OR13J1: variants seen among roughly 807,000 people sequenced by gnomAD.
The protein encoded by OR13J1 is olfactory receptor family 13 subfamily J member 1, also known as olfactory receptor 13J1.
OR13J1 carries 6 observed loss-of-function variants against 6.4 expected under a neutral mutation model. That is an observed-to-expected ratio of 0.93 (90% CI 0.51 to 1.84). The LOEUF (loss-of-function observed/expected upper bound fraction) is 1.84, where lower values mean the gene tolerates loss of function less well. Ranked by LOEUF, OR13J1 falls within the 40% of genes most tolerant of loss-of-function variation. The probability of loss-of-function intolerance (pLI) is 0.01; values close to 1 mark genes in which losing one functional copy is unlikely to be tolerated. For synonymous variants in OR13J1, 175 were observed against 182.4 expected (o/e 0.96, Z 0.33); for missense variants, 382 against 395.6 (o/e 0.97, Z 0.29).
At position 35,869,966 on chromosome 9, in the gene OR13J1, C is replaced by T. The variant is rs1832778296; in HGVS notation, c.436G>A (p.Gly146Arg). The change falls in exon 1 of 1, where the codon GGA becomes AGA. Residue 146 changes from glycine (G) to arginine (R), a missense_variant. By Grantham distance (125) the Gly-to-Arg change is moderately radical (BLOSUM62 -2). Coordinates refer to ENST00000377981, the MANE Select transcript of OR13J1 (RefSeq NM_001004487.1). ...AGGAGGCAGAGGACCCAGGCAGCTC[C>T]CATCAGCAGCACGCAGAGCCGGTGG... is the stretch of plus-strand genomic sequence containing the variant. ...MSHRLCVLLMGAAWVLCLLKS... is the reference protein window; with the variant it reads ...MSHRLCVLLMRAAWVLCLLKS... 2 of 1,614,236 alleles carry T rather than the reference C, an allele frequency of 1.2e-6. No homozygotes were observed. The highest frequency in any genetic ancestry group is 1.3e-5 in the African/African-American group (1 of 75,068).
chr9:35,870,252 C>G lies in OR13J1; in HGVS notation c.150G>C (p.Val50=), dbSNP rs752147186. Residue 50 remains valine (V), a synonymous_variant, in exon 1 of 1, where the codon GTG becomes GTC. Transcript: ENST00000377981. The part of the protein sequence containing the change: ...LGNTAIMAVS[V]LDIHLHTPVY... ...CGGGCGTGTGCAGGTGGATATCTAG[C>G]ACGCTCACCGCCATGATGGCTGTGT... The G allele has an allele frequency of 6.8e-6, 11 of 1,614,206 alleles. No homozygotes were observed. The South Asian group carries it at 7.7e-5, about 11-fold the overall frequency.
chr9:35,870,182 T>G lies in OR13J1; in HGVS notation c.220A>C (p.Thr74Pro). The change falls in exon 1 of 1, where the codon ACG (threonine) becomes CCG (proline). Residue 74 changes from threonine (T) to proline (P), a missense_variant. Physicochemically the swap from Thr to Pro is conservative, Grantham distance 38. Transcript: ENST00000377981. ...AGCATCAGAGGCACAAAGGTGGGCG[T>G]GTAGCAGATGTCCAGGGTAGAGAGG... ...GNLSTLDICYTPTFVPLMLVH... is the reference protein window; with the variant it reads ...GNLSTLDICYPPTFVPLMLVH... 6.2e-7 allele frequency: 1 copy of G among 1,614,076 alleles called. No homozygotes were observed. The highest frequency in any genetic ancestry group is 8.5e-7 in the Non-Finnish European group (1 of 1,180,002).
rs764962647 is a variant in OR13J1 at position 35,869,576 on chromosome 9, C to T, written c.826G>A (p.Val276Ile). 7.4e-6 allele frequency: 12 copies of T among 1,613,970 alleles called. No individual in the cohort carries two copies. In the South Asian group the frequency reaches 1.3e-4, roughly 18 times the overall value. The change falls in exon 1 of 1, where the codon GTC (valine) becomes ATC (isoleucine). Residue 276 changes from valine to isoleucine, a missense_variant. By Grantham distance (29) the Val-to-Ile change is conservative (BLOSUM62 3). Coordinates refer to ENST00000377981, the MANE Select transcript of OR13J1 (RefSeq NM_001004487.1). ...ATGGTCGTGACCATGGCATAGAGGA[C>T]TGTGAAGACCTCATCAGAGATGTGG... ...EAHISDEVFT[V>I]LYAMVTTMLN... is the part of the protein sequence containing the mutation.
Position 35,870,398 on chromosome 9 carries a change from C to G in OR13J1, c.4G>C (p.Glu2Gln). 6.3e-7 allele frequency: 1 copy of G among 1,586,532 alleles called. No individual in the cohort carries two copies. ...GACACCTCTGTTCTGTTGAGCGGCT[C>G]CATGCTGCAGAGTTCTGAAGAGATG... M[E>Q]PLNRTEVSEF... Residue 2 changes from glutamate (E) to glutamine (Q), a missense_variant, in exon 1 of 1, where the codon GAG becomes CAG. Transcript: ENST00000377981.
chr9:35,870,254 C>T lies in OR13J1; in HGVS notation c.148G>A (p.Val50Met), dbSNP rs755771108. The T allele has an allele frequency of 6.2e-6, 10 of 1,614,166 alleles. No homozygotes were observed. Among genetic ancestry groups the T allele is most frequent in the South Asian group, 2.2e-5 (2 of 91,082 alleles). ...LGNTAIMAVS[V>M]LDIHLHTPVY... is the part of the protein sequence containing the mutation. ...GGCGTGTGCAGGTGGATATCTAGCA[C>T]GCTCACCGCCATGATGGCTGTGTTC... Residue 50 changes from valine to methionine, a missense_variant, in exon 1 of 1, where the codon GTG becomes ATG. Coordinates refer to ENST00000377981, the MANE Select transcript of OR13J1 (RefSeq NM_001004487.1).
In OR13J1 at chr9:35,869,493, C is replaced by G; in HGVS notation, c.909G>C (p.Lys303Asn). 1 of 1,613,778 alleles carries G rather than the reference C, an allele frequency of 6.2e-7. No individual in the cohort carries two copies. The highest frequency in any genetic ancestry group is 8.5e-7 in the Non-Finnish European group (1 of 1,179,976). ...RNKEVKEAAR[K>N]VWGRSRASR ...TGGAGGCCCGACTCCTGCCCCACAC[C>G]TTCCTGGCGGCCTCCTTCACCTCCT... Residue 303 changes from lysine (K) to asparagine (N), a missense_variant, in exon 1 of 1, where the codon AAG (lysine) becomes AAC (asparagine). By Grantham distance (94) the Lys-to-Asn change is moderately conservative (BLOSUM62 0). Coordinates refer to ENST00000377981, the MANE Select transcript of OR13J1 (RefSeq NM_001004487.1).
In OR13J1 at chr9:35,870,207, G is replaced by C; in HGVS notation, c.195C>G (p.Asn65Lys). 1 of 1,614,152 alleles carries C rather than the reference G, an allele frequency of 6.2e-7. No individual in the cohort carries two copies. The highest frequency in any genetic ancestry group is 8.5e-7 in the Non-Finnish European group (1 of 1,179,982). ...LHTPVYFFLG[N>K]LSTLDICYTP... ...TGTAGCAGATGTCCAGGGTAGAGAG[G>C]TTGCCCAGGAAGAAGTACACGGGCG... Residue 65 changes from asparagine to lysine, a missense_variant, in exon 1 of 1, where the codon AAC becomes AAG. By Grantham distance (94) the Asn-to-Lys change is moderately conservative. Transcript: ENST00000377981.
chr9:35,869,611 C>A lies in OR13J1; in HGVS notation c.791G>T (p.Ser264Ile), dbSNP rs779776730. 7 of 1,613,974 alleles carry A rather than the reference C, an allele frequency of 4.3e-6. No homozygotes were observed. Among genetic ancestry groups the A allele is most frequent in the Middle Eastern group, 1.6e-4 (1 of 6,082 alleles). The part of the protein sequence containing the change: ...TIIFMYLKPK[S>I]KEAHISDEVF... ...CTCATCAGAGATGTGGGCTTCCTTA[C>A]TCTTGGGCTTCAAGTACATGAAGAT... Residue 264 changes from serine to isoleucine, a missense_variant, in exon 1 of 1, where the codon AGT (serine) becomes ATT (isoleucine). Physicochemically the swap from Ser to Ile is moderately radical, Grantham distance 142. Transcript: ENST00000377981.
At position 35,870,171 on chromosome 9, in the gene OR13J1, A is replaced by G; in HGVS notation, c.231T>C (p.Phe77=). The G allele has an allele frequency of 6.2e-7, 1 of 1,614,222 alleles. No homozygotes were observed. Among genetic ancestry groups the G allele is most frequent in the Non-Finnish European group, 8.5e-7 (1 of 1,180,036 alleles). Residue 77 remains phenylalanine (F), a synonymous_variant, in exon 1 of 1, where the codon TTT becomes TTC. Transcript: ENST00000377981. ...GGAGGTGGACCAGCATCAGAGGCAC[A>G]AAGGTGGGCGTGTAGCAGATGTCCA... The part of the protein sequence containing the change: ...STLDICYTPT[F]VPLMLVHLLS...
In OR13J1 at chr9:35,869,746, A is replaced by G; in HGVS notation, c.656T>C (p.Leu219Ser). The G allele has an allele frequency of 6.2e-7, 1 of 1,613,626 alleles. No homozygotes were observed. The highest frequency in any genetic ancestry group is 8.5e-7 in the Non-Finnish European group (1 of 1,180,014). ...CCTCAGGATGGTGGCCAGGATGAGC[A>G]AGTAGGACAGGCAGATGAATGCCAG... is the stretch of plus-strand genomic sequence containing the variant. ...VPLAFICLSY[L>S]LILATILRVP... Residue 219 changes from leucine to serine, a missense_variant, in exon 1 of 1, where the codon TTG becomes TCG. Leu to Ser is a moderately radical substitution (Grantham distance 145, BLOSUM62 -2). Coordinates refer to ENST00000377981, the MANE Select transcript of OR13J1 (RefSeq NM_001004487.1).
rs775159054 is a variant in OR13J1, at chr9:35,869,978, C to T, written c.424G>A (p.Val142Met). Residue 142 changes from valine to methionine, a missense_variant, in exon 1 of 1, where the codon GTG (valine) becomes ATG (methionine). Transcript: ENST00000377981. ...YHVLMSHRLC[V>M]LLMGAAWVLC... ...ACCCAGGCAGCTCCCATCAGCAGCA[C>T]GCAGAGCCGGTGGCTCATGAGCACG... is the stretch of plus-strand genomic sequence containing the variant. 22 of 1,614,108 alleles carry T rather than the reference C, an allele frequency of 1.4e-5. No homozygotes were observed. The highest frequency in any genetic ancestry group is 1.3e-4 in the East Asian group (6 of 44,898).
In OR13J1 at chr9:35,870,187, C is replaced by T. The variant is rs141084558; in HGVS notation, c.215G>A (p.Cys72Tyr). 4.3e-6 allele frequency: 7 copies of T among 1,614,060 alleles called. No homozygotes were observed. Among genetic ancestry groups the T allele is most frequent in the Non-Finnish European group, 5.9e-6 (7 of 1,180,030 alleles). Reference protein sequence around the residue: ...FLGNLSTLDICYTPTFVPLML... With the variant: ...FLGNLSTLDIYYTPTFVPLML... ...CAGAGGCACAAAGGTGGGCGTGTAG[C>T]AGATGTCCAGGGTAGAGAGGTTGCC... The change falls in exon 1 of 1, where the codon TGC becomes TAC. Residue 72 changes from cysteine (C) to tyrosine (Y), a missense_variant. Coordinates refer to ENST00000377981, the MANE Select transcript of OR13J1 (RefSeq NM_001004487.1).
rs1344614921 is a variant in OR13J1 at position 35,869,736 on chromosome 9, CAGG to C, written c.663_665del (p.Ile221_Leu222delinsMet). Reference sequence around the variant, plus strand: ...CCGAGGGCACCCTCAGGATGGTGGCCAGGATGAGCAAGTAGGACAGGCAGATGA... The same window carrying C: ...CCGAGGGCACCCTCAGGATGGTGGCCATGAGCAAGTAGGACAGGCAGATGA... On this transcript the variant is annotated inframe_deletion, in exon 1 of 1. Transcript: ENST00000377981. 1.2e-6 allele frequency: 2 copies of C among 1,613,508 alleles called. No individual in the cohort carries two copies. The highest frequency in any genetic ancestry group is 2.2e-5 in the South Asian group (2 of 91,084).
At position 35,870,261 on chromosome 9, in the gene OR13J1, C is replaced by A. The variant is rs554925101; in HGVS notation, c.141G>T (p.Ala47=). ...VTLLGNTAIM[A]VSVLDIHLHT... ...GCAGGTGGATATCTAGCACGCTCAC[C>A]GCCATGATGGCTGTGTTCCCCAGGA... The change falls in exon 1 of 1, where the codon GCG becomes GCT. Residue 47 remains alanine, a synonymous_variant. Transcript: ENST00000377981. The A allele has an allele frequency of 4.3e-6, 7 of 1,614,156 alleles. No individual in the cohort carries two copies. The South Asian group carries it at 6.6e-5, about 15-fold the overall frequency.
Position 35,870,084 on chromosome 9 carries a change from G to T in OR13J1, c.318C>A (p.Ser106=), listed in dbSNP as rs764530243. 3 of 1,614,224 alleles carry T rather than the reference G, an allele frequency of 1.9e-6. No individual in the cohort carries two copies. Among genetic ancestry groups the T allele is most frequent in the Non-Finnish European group, 1.7e-6 (2 of 1,180,020 alleles). ...GTAGCAGGCACTCCGTGGAGCCCGT[G>T]GACAGGCTCAGACACATCTGGATGG... ...VCAIQMCLSL[S]TGSTECLLLA... is the part of the protein sequence containing the mutation. Residue 106 remains serine (S), a synonymous_variant, in exon 1 of 1, where the codon TCC becomes TCA. Coordinates refer to ENST00000377981, the MANE Select transcript of OR13J1 (RefSeq NM_001004487.1).
Position 35,870,360 on chromosome 9 carries a change from C to A in OR13J1, c.42G>T (p.Leu14=). 1 of 1,609,478 alleles carries A rather than the reference C, an allele frequency of 6.2e-7. No homozygotes were observed. The highest frequency in any genetic ancestry group is 1.1e-5 in the South Asian group (1 of 90,752). The change falls in exon 1 of 1, where the codon CTG becomes CTT. Residue 14 remains leucine (L), a synonymous_variant. Transcript: ENST00000377981. ...GGGCTGGGTAGCCAGAAAATCCTTT[C>A]AGAAAGAACTCGGACACCTCTGTTC... ...LNRTEVSEFF[L]KGFSGYPALE...
chr9:35,870,208 T>C lies in OR13J1; in HGVS notation c.194A>G (p.Asn65Ser). Residue 65 changes from asparagine (N) to serine (S), a missense_variant, in exon 1 of 1, where the codon AAC (asparagine) becomes AGC (serine). By Grantham distance (46) the Asn-to-Ser change is conservative (BLOSUM62 1). Coordinates refer to ENST00000377981, the MANE Select transcript of OR13J1 (RefSeq NM_001004487.1). ...GTAGCAGATGTCCAGGGTAGAGAGGTTGCCCAGGAAGAAGTACACGGGCGT... is the reference window on the plus strand; with the variant it reads ...GTAGCAGATGTCCAGGGTAGAGAGGCTGCCCAGGAAGAAGTACACGGGCGT... Reference protein sequence around the residue: ...LHTPVYFFLGNLSTLDICYTP... With the variant: ...LHTPVYFFLGSLSTLDICYTP... 1 of 1,613,952 alleles carries C rather than the reference T, an allele frequency of 6.2e-7. No homozygotes were observed. Among genetic ancestry groups the C allele is most frequent in the Non-Finnish European group, 8.5e-7 (1 of 1,179,930 alleles).
chr9:35,869,490 C>T lies in OR13J1; in HGVS notation c.912G>A (p.Val304=), dbSNP rs756925961. 1.5e-5 allele frequency: 25 copies of T among 1,613,432 alleles called. No homozygotes were observed. Among genetic ancestry groups the T allele is most frequent in the Non-Finnish European group, 2.1e-5 (25 of 1,179,862 alleles). ...ACCTGGAGGCCCGACTCCTGCCCCACACCTTCCTGGCGGCCTCCTTCACCT... is the reference window on the plus strand; with the variant it reads ...ACCTGGAGGCCCGACTCCTGCCCCATACCTTCCTGGCGGCCTCCTTCACCT... ...NKEVKEAARK[V]WGRSRASR is the part of the protein sequence containing the mutation. The change falls in exon 1 of 1, where the codon GTG becomes GTA. Residue 304 remains valine, a synonymous_variant. Transcript: ENST00000377981.
rs369145177 is a variant in OR13J1, at chr9:35,869,834, C to T, written c.568G>A (p.Gly190Ser). The part of the protein sequence containing the change: ...KILAVLKLAC[G>S]NTSVSEDFLL... ...AAGTCTTCGCTGACCGACGTGTTGC[C>T]GCATGCCAGCTTCAGCACTGCCAGG... is the stretch of plus-strand genomic sequence containing the variant. Residue 190 changes from glycine (G) to serine (S), a missense_variant, in exon 1 of 1, where the codon GGC becomes AGC. Coordinates refer to ENST00000377981, the MANE Select transcript of OR13J1 (RefSeq NM_001004487.1). 100 of 1,613,976 alleles carry T rather than the reference C, an allele frequency of 6.2e-5. No homozygotes were observed. The highest frequency in any genetic ancestry group is 1.1e-4 in the East Asian group (5 of 44,896).
Sources: allele counts gnomAD v4.1 joint callset, GRCh38; gene constraint gnomAD v4.1.1; transcripts MANE v1.5; gene names NCBI Gene and HGNC (gene_info 2026-07-23, HGNC 2026-07-21).